Variants in S100Z observed in about 807,000 individuals in gnomAD.
S100Z encodes protein S100-Z.
A neutral mutation model predicts 8.5 loss-of-function variants in S100Z; 11 were observed. The observed-to-expected ratio is 1.30, with a 90% confidence interval of 0.82 to 2.15. S100Z has a LOEUF of 2.15. Ranked by LOEUF, S100Z falls within the 30% of genes most tolerant of loss-of-function variation. S100Z has a pLI of 0.00. For missense variants in S100Z, 126 were observed against 117.9 expected (o/e 1.07, Z -0.32); for synonymous variants, 34 against 43.8 (o/e 0.78, Z 0.89).
chr5:76,951,708 T>C, the S100Z span, among the ~76,000 whole-genome samples: 7,552 of 152,282 alleles, frequency 0.05, 616 homozygotes, highest in African/African-American at 0.17. Flanking sequence ...TTCAGGCATC[T>C]AAACAGCCCT....
intron 4 of S100Z, among the ~76,000 whole-genome samples, chr5:76,880,377 G>A (rs1211896470): frequency 6.6e-6 from 1 of 152,128 alleles, no homozygotes; most frequent in East Asian, 1.9e-4. Context: ...CAAAATAGTG[G>A]TGAAGTGTTG....
intron 4 of S100Z, among the ~76,000 whole-genome samples, chr5:76,910,342 A>G (rs1053552111): frequency 1.3e-5 from 2 of 152,298 alleles, no homozygotes; most frequent in South Asian, 4.1e-4. Flanking sequence ...ATCTGGAGGC[A>G]TTATTAAACC....
chr5:76,934,879 G>C, the S100Z span, among the ~76,000 whole-genome samples: 1 of 152,162 alleles, frequency 6.6e-6, no homozygotes, highest in East Asian at 1.9e-4. Context: ...TCTAGGAGTT[G>C]TCAAATGCCT....
chr5:76,906,136 A>T (rs11742803), intron 4 of S100Z, among the ~76,000 whole-genome samples: 107,818 of 152,166 alleles, frequency 0.71, 39,318 homozygotes, highest in African/African-American at 0.88. Flanking sequence ...AGCCAAAAAC[A>T]TCTTTTATGT....
intron 2 of S100Z, among the ~76,000 whole-genome samples, chr5:76,873,515 T>C (rs1743080106): frequency 6.6e-6 from 1 of 151,972 alleles, no homozygotes; most frequent in Admixed American, 6.5e-5. Flanking sequence ...ACCATTTTGG[T>C]CAGGGTGGTC....
chr5:76,904,716 T>A (rs34801972), intron 4 of S100Z, among the ~76,000 whole-genome samples: 3,928 of 144,898 alleles, frequency 0.027, 80 homozygotes, highest in East Asian at 0.11. Context: ...TTAAAAAAAA[T>A]TTTTTTTTGG....
rs145020661 is a variant in S100Z, at chr5:76,896,162, T to A, written c.*2+18328T>A. On this transcript the variant is annotated intron_variant, in intron 4 of 4. Coordinates refer to ENST00000317593, the MANE Select transcript of S100Z (RefSeq NM_130772.4). ...AACTGTTTTTTGTACCCATTAATCA[T>A]CCCCACCGTCCTCCCCAACCCCCTG... 5.9e-5 allele frequency among the ~76,000 whole-genome samples: 9 copies of A among 152,250 alleles called. No homozygotes were observed. In the East Asian group the frequency reaches 1.7e-3, roughly 29 times the overall value.
At chr5:76,861,042 G>A (rs902943199) in intron 1 of S100Z, among the ~76,000 whole-genome samples, 2 of 152,154 alleles carry the variant, frequency 1.3e-5, no homozygotes, top group South Asian at 2.1e-4. Flanking sequence ...GCATAAAACA[G>A]CAACAAACAT....
At chr5:76,856,889 A>G (rs1454703737) in intron 1 of S100Z, among the ~76,000 whole-genome samples, 1 of 152,222 alleles carries the variant, frequency 6.6e-6, no homozygotes, top group African/African-American at 2.4e-5. Flanking sequence ...TTGACTATGT[A>G]GAGCTCTGGA....
chr5:76,878,674 G>A (rs1387798019), intron 4 of S100Z, among the ~76,000 whole-genome samples: 1 of 152,172 alleles, frequency 6.6e-6, no homozygotes, highest in Non-Finnish European at 1.5e-5. Context: ...TTATATTTAT[G>A]CGTGTAAATG....
At chr5:76,850,622 C>G (rs1750702172) in intron 1 of S100Z, among the ~76,000 whole-genome samples, 1 of 152,094 alleles carries the variant, frequency 6.6e-6, no homozygotes, top group South Asian at 2.1e-4. Flanking sequence ...CCAGTGTAAG[C>G]CCACTCCCAG....
chr5:76,915,265 A>G (rs1744817309), intron 4 of S100Z, among the ~76,000 whole-genome samples: 1 of 145,694 alleles, frequency 6.9e-6, no homozygotes, highest in Admixed American at 7.2e-5. Flanking sequence ...AGATTGTGCC[A>G]CTGTACTCCA....
At chr5:76,929,077 G>A in the S100Z span, among the ~76,000 whole-genome samples, 1 of 152,204 alleles carries the variant, frequency 6.6e-6, no homozygotes, top group African/African-American at 2.4e-5. Context: ...TTCAGTATTA[G>A]AATCTGAGCC....
chr5:76,925,250 T>C (rs1325118452), downstream of S100Z, among the ~76,000 whole-genome samples: 3 of 152,196 alleles, frequency 2.0e-5, no homozygotes, highest in African/African-American at 4.8e-5. Flanking sequence ...TAACACGTTC[T>C]ATTGGTCGTA....
At chr5:76,926,622 G>T (rs1291445441), downstream of S100Z, among the ~76,000 whole-genome samples, 1 of 152,158 alleles carries the variant, frequency 6.6e-6, no homozygotes, top group Non-Finnish European at 1.5e-5. Context: ...TTAAGGCCCA[G>T]ACCTGAGAGA....
chr5:76,931,253 G>C, the S100Z span, among the ~76,000 whole-genome samples: 4 of 151,956 alleles, frequency 2.6e-5, no homozygotes, highest in Non-Finnish European at 4.4e-5. Context: ...ACTTATGGAG[G>C]TGTGTCACCA....
At chr5:76,944,834 C>T in the S100Z span, among the ~76,000 whole-genome samples, 359 of 152,264 alleles carry the variant, frequency 2.4e-3, 3 homozygotes, top group African/African-American at 8.2e-3. Flanking sequence ...GACACACCAA[C>T]GGTTCTGGAC....
At chr5:76,885,672 C>G (rs1400013865) in intron 4 of S100Z, among the ~76,000 whole-genome samples, 1 of 145,894 alleles carries the variant, frequency 6.9e-6, no homozygotes, top group African/African-American at 2.6e-5. Flanking sequence ...GCTTGCCCCC[C>G]AGGAAAGTGG....
At chr5:76,913,715 G>A (rs915204842) in intron 4 of S100Z, among the ~76,000 whole-genome samples, 2 of 152,112 alleles carry the variant, frequency 1.3e-5, no homozygotes, top group South Asian at 2.1e-4. Flanking sequence ...ACTCTTCGGC[G>A]GCAGTGACTC....
Sources: gnomAD v4.1 joint callset for allele counts (sites outside exome capture counted in the v4.1 genomes callset) on GRCh38, gnomAD v4.1.1 for gene constraint, MANE v1.5 for transcripts, NCBI Gene and HGNC (gene_info 2026-07-23, HGNC 2026-07-21) for gene names.